KIFBP: variants seen among roughly 807,000 people sequenced by gnomAD.
KIFBP encodes the protein KIF-binding protein.
A neutral mutation model predicts 58.9 loss-of-function variants in KIFBP; 46 were observed. The observed-to-expected ratio is 0.78, with a 90% CI of 0.62 to 1.00. The LOEUF is 1.00. Ranked by LOEUF, KIFBP falls within the 50% of genes least tolerant of loss-of-function variation. KIFBP has a pLI of 0.00. For synonymous variants in KIFBP, 241 were observed against 283.4 expected (o/e 0.85, Z 1.50); for missense variants, 651 against 752.9 (o/e 0.86, Z 1.58).
Position 69,010,999 on chromosome 10 carries a change from C to T in KIFBP, c.974C>T (p.Ala325Val). 1.9e-6 allele frequency: 3 copies of T among 1,612,564 alleles called. No individual in the cohort carries two copies. Among genetic ancestry groups the T allele is most frequent in the Non-Finnish European group, 2.5e-6 (3 of 1,178,624 alleles). Residue 325 changes from alanine to valine, a missense_variant, in exon 6 of 7, where the codon GCC (alanine) becomes GTC (valine). Ala to Val is a moderately conservative substitution (Grantham distance 64, BLOSUM62 0). Transcript: ENST00000361983. ...IKYCLTLMQN[A>V]QLSMQDNIGE... The stretch of plus-strand genomic sequence containing the variant: ...TACTGTTTGACTCTCATGCAGAATG[C>T]CCAACTCTCCATGCAGGTAATGCAG...
Position 69,015,875 on chromosome 10 carries a change from G to C in KIFBP, c.1325G>C (p.Arg442Thr), listed in dbSNP as rs764557349. The C allele has an allele frequency of 2.5e-5, 40 of 1,614,042 alleles. No individual in the cohort carries two copies. The highest frequency in any genetic ancestry group is 3.1e-5 in the Non-Finnish European group (37 of 1,180,044). ...GCATTCTTTGAAACTGACATGGAGA[G>C]ACGGTGCAAGATGCATAAACGCAGA... The part of the protein sequence containing the change: ...VLAFFETDME[R>T]RCKMHKRRIA... Residue 442 changes from arginine to threonine, a missense_variant, in exon 7 of 7, where the codon AGA (arginine) becomes ACA (threonine). Transcript: ENST00000361983.
intron 1 of KIFBP, among the ~76,000 whole-genome samples, chr10:68,998,056 A>C (rs1589294502): frequency 6.6e-6 from 1 of 152,206 alleles, no homozygotes; most frequent in South Asian, 2.1e-4. Context: ...TTTTCTTTAT[A>C]AAGTATCTAG....
At chr10:69,012,590 T>C (rs1295051834) in intron 6 of KIFBP, among the ~76,000 whole-genome samples, 1 of 152,016 alleles carries the variant, frequency 6.6e-6, no homozygotes, top group African/African-American at 2.4e-5. Flanking sequence ...GTTCTCACAC[T>C]GCTATAAAGA....
intron 1 of KIFBP, chr10:68,991,015 A>G (rs1479592419): frequency 1.3e-5 from 2 of 152,226 alleles, no homozygotes; most frequent in African/African-American, 4.8e-5. Context: ...TCACACTTGT[A>G]ATCCTAGCAC....
chr10:68,991,888 C>T (rs1843350967), intron 1 of KIFBP, among the ~76,000 whole-genome samples: 1 of 151,178 alleles, frequency 6.6e-6, no homozygotes, highest in South Asian at 2.1e-4. Context: ...ATGCCTGTAC[C>T]TTGGGTAAAC....
intron 6 of KIFBP, chr10:69,011,393 TTC>T (rs751274591): frequency 0.11 from 4,077 of 36,954 alleles, 77 homozygotes; most frequent in Non-Finnish European, 0.15. Context: ...CGATATCATA[TTC>T]TTTTTTTTTT....
intron 2 of KIFBP, among the ~76,000 whole-genome samples, chr10:69,001,342 G>GAC (rs1431141715): frequency 6.6e-6 from 1 of 152,082 alleles, no homozygotes; most frequent in Non-Finnish European, 1.5e-5. Context: ...CTGCAAAGGT[G>GAC]ACAAGCCACT....
At chr10:69,000,182 C>T (rs559403097) in intron 1 of KIFBP, among the ~76,000 whole-genome samples, 2 of 152,264 alleles carry the variant, frequency 1.3e-5, no homozygotes, top group Admixed American at 6.5e-5. Flanking sequence ...CTAAAACCAG[C>T]CTGTACTCAA....
intron 1 of KIFBP, among the ~76,000 whole-genome samples, chr10:68,992,257 G>A (rs565998215): frequency 6.6e-6 from 1 of 152,200 alleles, no homozygotes; most frequent in Admixed American, 6.5e-5. Flanking sequence ...GCCTCCCAAA[G>A]TGTTGGGATT....
chr10:68,991,428 G>T (rs1843345619), intron 1 of KIFBP: 3 of 359,124 alleles, frequency 8.4e-6, no homozygotes, highest in South Asian at 7.7e-5. Flanking sequence ...CTACAAAAAA[G>T]ATTGCAATTA....
intron 6 of KIFBP, among the ~76,000 whole-genome samples, chr10:69,014,734 G>C (rs1424621344): frequency 7.1e-6 from 1 of 140,972 alleles, no homozygotes; most frequent in Non-Finnish European, 1.5e-5. Context: ...CCACCCCCAA[G>C]AGGTAGAGGA....
intron 2 of KIFBP, among the ~76,000 whole-genome samples, chr10:69,001,140 G>C (rs1358383999): frequency 1.3e-5 from 2 of 150,066 alleles, no homozygotes; most frequent in Admixed American, 6.6e-5. Context: ...TTTTTAACCC[G>C]TGAAACCCTT....
chr10:68,995,886 G>A (rs960771497), intron 1 of KIFBP, among the ~76,000 whole-genome samples: 1 of 152,110 alleles, frequency 6.6e-6, no homozygotes, highest in Non-Finnish European at 1.5e-5. Context: ...GGCTGGGCAC[G>A]GTACCTCATG....
chr10:69,005,967 A>G lies in KIFBP; in HGVS notation c.789+52A>G, dbSNP rs898255969. On this transcript the variant is annotated intron_variant, in intron 4 of 6. Coordinates refer to ENST00000361983, the MANE Select transcript of KIFBP (RefSeq NM_015634.4). ...CAGAGTACCAATAGTGAGTATAAAA[A>G]TAGAACCAGTAGTACCTTGAAAATA... is the stretch of plus-strand genomic sequence containing the variant. 8 of 1,497,604 alleles carry G rather than the reference A, an allele frequency of 5.3e-6. No individual in the cohort carries two copies. In the East Asian group the frequency reaches 1.4e-4, roughly 26 times the overall value. The allele number at this position is 1,497,604 out of a possible 1,614,324, so 92.8% of individuals were successfully genotyped here.
At chr10:69,010,832 A>T (rs1843582150) in intron 5 of KIFBP, 68 bp from the exon 6 acceptor site, 8 of 1,032,160 alleles carry the variant, frequency 7.8e-6, no homozygotes, top group Non-Finnish European at 1.2e-5. Flanking sequence ...GATATTAAAA[A>T]AATTACAGTA....
chr10:69,002,252 T>G (rs1035855083), intron 2 of KIFBP, among the ~76,000 whole-genome samples: 1 of 151,824 alleles, frequency 6.6e-6, no homozygotes. Flanking sequence ...CTCCACCTCT[T>G]GAGTTCAAGT....
At chr10:69,014,959 G>C (rs1838973332) in intron 6 of KIFBP, among the ~76,000 whole-genome samples, 1 of 152,128 alleles carries the variant, frequency 6.6e-6, no homozygotes, top group African/African-American at 2.4e-5. Context: ...GTCTTGCACT[G>C]TCACCCAGGC....
At chr10:69,014,723 C>A (rs1041843642) in intron 6 of KIFBP, among the ~76,000 whole-genome samples, 1 of 143,636 alleles carries the variant, frequency 7.0e-6, no homozygotes, top group African/African-American at 2.7e-5. Flanking sequence ...TTTGCCCCCC[C>A]CCACCCCCAA....
At position 69,016,902 on chromosome 10, in the gene KIFBP, G is replaced by A. The variant is rs752736908; in HGVS notation, c.*486G>A. 5.2e-5 allele frequency: 8 copies of A among 154,328 alleles called. No homozygotes were observed. The highest frequency in any genetic ancestry group is 8.6e-5 in the Non-Finnish European group (6 of 69,424). The allele number at this position is 154,328 out of a possible 1,614,324, so 9.6% of individuals were successfully genotyped here. On this transcript the variant is annotated 3_prime_UTR_variant, in exon 7 of 7. Transcript: ENST00000361983. Reference sequence around the variant, plus strand: ...AAAAACTAAGTTATGTTATTATAAAGTGTAAAATGGTTTGTCTTAATTATA... The same window carrying A: ...AAAAACTAAGTTATGTTATTATAAAATGTAAAATGGTTTGTCTTAATTATA...
Sources: allele counts gnomAD v4.1 joint callset (sites outside exome capture counted in the v4.1 genomes callset), GRCh38; gene constraint gnomAD v4.1.1; transcripts MANE v1.5; gene names NCBI Gene and HGNC (gene_info 2026-07-23, HGNC 2026-07-21).